Variants in ADGRE2 observed in about 807,000 individuals in gnomAD.
The protein encoded by ADGRE2 is adhesion G protein-coupled receptor E2.
Under a neutral mutation model 100.8 loss-of-function variants are expected in ADGRE2, and 83 were observed. That is an observed-to-expected ratio of 0.82 (90% CI 0.69 to 0.99). The LOEUF (loss-of-function observed/expected upper bound fraction) is 0.99. ADGRE2 is among the 50% of genes least tolerant of loss of function. ADGRE2 has a pLI of 0.00. For synonymous variants in ADGRE2, 355 were observed against 413.0 expected (o/e 0.86, Z 1.70); for missense variants, 814 against 1,035.7 (o/e 0.79, Z 2.94).
At chr19:14,743,905 G>A (rs2043004217) in intron 18 of ADGRE2, 121 bp from the exon 19 acceptor site, 1 of 937,156 alleles carries the variant, frequency 1.1e-6, no homozygotes. Flanking sequence ...CTGGGCTGTG[G>A]TCAGCTTAGA....
chr19:14,759,488 C>CAT lies in ADGRE2; in HGVS notation c.1085-3145_1085-3144dup, dbSNP rs147074153. ...AGTTAGACAAAAAGTATAAGTTATA[C>CAT]ATATATATATATATATTTTTTTTTT... On this transcript the variant is annotated intron_variant, in intron 11 of 20. Transcript: ENST00000315576. 7.7e-3 allele frequency among the ~76,000 whole-genome samples: 1,027 copies of CAT among 133,580 alleles called. 25 individuals are homozygous for CAT. The highest frequency in any genetic ancestry group is 0.029 in the African/African-American group (934 of 32,202). The allele number at this position is 133,580 out of a possible 152,430, so 87.6% of individuals were successfully genotyped here.
chr19:14,726,635 A>C, the ADGRE2 span, among the ~76,000 whole-genome samples: 1 of 152,158 alleles, frequency 6.6e-6, no homozygotes, highest in Non-Finnish European at 1.5e-5. Flanking sequence ...TTCTCCCACC[A>C]GACACTCTCT....
At chr19:14,726,005 T>C in the ADGRE2 span, among the ~76,000 whole-genome samples, 7 of 152,306 alleles carry the variant, frequency 4.6e-5, no homozygotes, top group African/African-American at 1.2e-4. Context: ...TGCCCCAATG[T>C]CAGTCTCCTT....
chr19:14,759,334 G>A (rs1351057944), intron 11 of ADGRE2, among the ~76,000 whole-genome samples: 2 of 151,986 alleles, frequency 1.3e-5, no homozygotes, highest in East Asian at 3.8e-4. Flanking sequence ...AAATGATTTG[G>A]GGGCTGGTTT....
At chr19:14,770,355 C>T (rs867957669) in intron 5 of ADGRE2, among the ~76,000 whole-genome samples, 4 of 152,182 alleles carry the variant, frequency 2.6e-5, no homozygotes, top group African/African-American at 7.2e-5. Context: ...CTAAGGCCCT[C>T]ACCAGAAGCA....
In ADGRE2 at chr19:14,764,721, T is replaced by A. The variant is rs2043886925; in HGVS notation, c.907-111A>T. 4.1e-6 allele frequency: 5 copies of A among 1,210,146 alleles called. No individual in the cohort carries two copies. In the East Asian group the frequency reaches 1.2e-4, roughly 30 times the overall value. The allele number at this position is 1,210,146 out of a possible 1,614,324, so 75.0% of individuals were successfully genotyped here. ...TCCTAGAGACTGTCTATCTGGGGGA[T>A]GAAGATGGCATTGGCGGCTGGGCGC... is the stretch of plus-strand genomic sequence containing the variant. On this transcript the variant is annotated intron_variant, in intron 10 of 20. Coordinates refer to ENST00000315576, the MANE Select transcript of ADGRE2 (RefSeq NM_013447.4).
the ADGRE2 span, among the ~76,000 whole-genome samples, chr19:14,726,911 C>G: frequency 6.6e-6 from 1 of 152,020 alleles, no homozygotes; most frequent in African/African-American, 2.4e-5. Flanking sequence ...CAACTTCTGC[C>G]TGTTACACAG....
At chr19:14,726,476 G>A in the ADGRE2 span, among the ~76,000 whole-genome samples, 8 of 152,082 alleles carry the variant, frequency 5.3e-5, no homozygotes, top group African/African-American at 9.6e-5. Flanking sequence ...CTTCTTTACC[G>A]CATGGCCAGG....
chr19:14,772,168 C>T, intron 5 of ADGRE2, 174 bp downstream of exon 5: 2 of 900,260 alleles, frequency 2.2e-6, no homozygotes, highest in Non-Finnish European at 3.4e-6. Context: ...CCTTGGCCTT[C>T]ACACCACGCT....
chr19:14,763,647 C>T lies in ADGRE2; in HGVS notation c.1084+786G>A, dbSNP rs964411883. The stretch of plus-strand genomic sequence containing the variant: ...CTCCTCCTCCTCTCCTCCTCTCCTC[C>T]GCTCTTTCTCGTCTCCTCCTCCTCT... On this transcript the variant is annotated intron_variant, in intron 11 of 20. Transcript: ENST00000315576. Among the ~76,000 whole-genome samples the T allele has an allele frequency of 2.6e-4, 30 of 116,988 alleles. 1 individual carries two copies. The highest frequency in any genetic ancestry group is 5.2e-4 in the Admixed American group (6 of 11,470). The allele number at this position is 116,988 out of a possible 152,430, so 76.7% of individuals were successfully genotyped here. A position where few individuals can be genotyped will look rare whatever the true frequency, so the allele number is the denominator to read the frequency against.
rs2524370 is a variant in ADGRE2 at position 14,735,056 on chromosome 19, G to A, written c.*1180C>T. The stretch of plus-strand genomic sequence containing the variant: ...GCTTTTTCCTATTGGCACAGCTGCC[G>A]GCATTCACCCGTGGAAGCTTCCAGC... On this transcript the variant is annotated 3_prime_UTR_variant, in exon 21 of 21. Coordinates refer to ENST00000315576, the MANE Select transcript of ADGRE2 (RefSeq NM_013447.4). 46,367 of 151,924 alleles carry A rather than the reference G, an allele frequency of 0.31. 7,621 individuals carry two copies. The highest frequency in any genetic ancestry group is 0.44 in the African/African-American group (18,152 of 41,428). The allele number at this position is 151,924 out of a possible 1,614,324, so 9.4% of individuals were successfully genotyped here.
intron 2 of ADGRE2, 106 bp downstream of exon 2, chr19:14,776,620 G>T: frequency 7.6e-7 from 1 of 1,315,368 alleles, no homozygotes; most frequent in Non-Finnish European, 1.1e-6. Context: ...TTTCTCCATC[G>T]CCGGCCCCAC....
intron 11 of ADGRE2, 103 bp downstream of exon 11, chr19:14,764,330 A>T: frequency 9.9e-7 from 1 of 1,012,332 alleles, no homozygotes; most frequent in East Asian, 2.5e-5. Context: ...CGATGAGAGT[A>T]ACACTGATAT....
At chr19:14,746,075 A>C (rs2043076827) in intron 18 of ADGRE2, among the ~76,000 whole-genome samples, 157 bp downstream of exon 18, 1 of 152,194 alleles carries the variant, frequency 6.6e-6, no homozygotes, top group Admixed American at 6.5e-5. Context: ...GATACCACTG[A>C]ATCTGTGATG....
At chr19:14,755,539 C>T in intron 13 of ADGRE2, 115 bp downstream of exon 13, 1 of 934,402 alleles carries the variant, frequency 1.1e-6, no homozygotes, top group South Asian at 1.5e-5. Flanking sequence ...ACTGACTTTC[C>T]TGGGGAGATA....
rs2042704920 is a variant in ADGRE2 at position 14,733,932 on chromosome 19, G to A, written c.*2304C>T. On this transcript the variant is annotated 3_prime_UTR_variant, in exon 21 of 21. Coordinates refer to ENST00000315576, the MANE Select transcript of ADGRE2 (RefSeq NM_013447.4). ...GGGGTAGCATTCAAAGTTCTCCAAA[G>A]CCCCTAAATCAATACTCATTGAGCT... 1 of 152,182 alleles carries A rather than the reference G, an allele frequency of 6.6e-6. No homozygotes were observed. The highest frequency in any genetic ancestry group is 2.1e-4 in the South Asian group (1 of 4,828). The allele number at this position is 152,182 out of a possible 1,614,324, so 9.4% of individuals were successfully genotyped here.
intron 8 of ADGRE2, 44 bp from the exon 9 acceptor site, chr19:14,765,614 A>G: frequency 5.0e-6 from 8 of 1,614,312 alleles, no homozygotes; most frequent in Non-Finnish European, 6.8e-6. Flanking sequence ...GGAGCGTGTC[A>G]GTGTGTGTGC....
Position 14,741,294 on chromosome 19 carries a change from G to T in ADGRE2, c.2463+2126C>A, listed in dbSNP as rs112356085. 2.6e-3 allele frequency among the ~76,000 whole-genome samples: 398 copies of T among 151,540 alleles called. 1 individual carries two copies. Among genetic ancestry groups the T allele is most frequent in the African/African-American group, 9.3e-3 (385 of 41,288 alleles). On this transcript the variant is annotated intron_variant, in intron 20 of 20. Coordinates refer to ENST00000315576, the MANE Select transcript of ADGRE2 (RefSeq NM_013447.4). ...GTATTTTTAGTAAAGATGGAGTTTT[G>T]CCATGTTGGCCAGGCTGGTCTCGAA...
chr19:14,752,235 G>A (rs2043320724), intron 15 of ADGRE2, 94 bp downstream of exon 15: 2 of 1,489,466 alleles, frequency 1.3e-6, no homozygotes, highest in East Asian at 2.3e-5. Flanking sequence ...GCCCAGCCGG[G>A]CTATTATATT....
Sources: gnomAD v4.1 joint callset for allele counts (sites outside exome capture counted in the v4.1 genomes callset) on GRCh38, gnomAD v4.1.1 for gene constraint, MANE v1.5 for transcripts, NCBI Gene and HGNC (gene_info 2026-07-23, HGNC 2026-07-21) for gene names.